Variants in CIAO2A observed in about 807,000 individuals in gnomAD.
The protein encoded by CIAO2A is MIP18 family protein FAM96A.
CIAO2A carries 17 observed loss-of-function variants against 22.4 expected under a neutral mutation model. That is an observed-to-expected ratio of 0.76 (90% CI 0.52 to 1.14). The LOEUF is 1.14. Ranked by LOEUF, CIAO2A falls within the 50% of genes most tolerant of loss-of-function variation. The pLI is 0.00. For missense variants in CIAO2A, 192 were observed against 191.4 expected (o/e 1.00, Z -0.02); for synonymous variants, 74 against 72.3 (o/e 1.02, Z -0.12).
chr15:64,085,816 C>T lies in CIAO2A; in HGVS notation c.289+2871G>A, dbSNP rs1276279254. ...CTCCGCCTCCCGGGTTCAAGCGATT[C>T]TCCTGCCTCAGCCTCCCACGTAGCT... On this transcript the variant is annotated intron_variant, in intron 2 of 4. Transcript: ENST00000300030. Among the ~76,000 whole-genome samples, 4 of 151,926 alleles carry T rather than the reference C, an allele frequency of 2.6e-5. No individual in the cohort carries two copies. In the East Asian group the frequency reaches 7.9e-4, roughly 30 times the overall value.
intron 2 of CIAO2A, among the ~76,000 whole-genome samples, chr15:64,085,914 T>C (rs966830468): frequency 4.6e-5 from 7 of 151,698 alleles, no homozygotes; most frequent in African/African-American, 1.7e-4. Flanking sequence ...TTCACTACGT[T>C]GGCCAGGCTG....
intron 1 of CIAO2A, among the ~76,000 whole-genome samples, chr15:64,092,456 T>A (rs149037503): frequency 3.9e-5 from 6 of 152,206 alleles, no homozygotes; most frequent in African/African-American, 1.4e-4. Flanking sequence ...AATTTCTGTA[T>A]CTCTTATTCA....
chr15:64,081,896 A>G (rs1332435376), intron 2 of CIAO2A, among the ~76,000 whole-genome samples: 2 of 152,140 alleles, frequency 1.3e-5, no homozygotes, highest in African/African-American at 4.8e-5. Flanking sequence ...AAAAAATAAA[A>G]CAAGTCAAAG....
chr15:64,092,222 C>T (rs1472257231), intron 1 of CIAO2A, among the ~76,000 whole-genome samples: 1 of 152,128 alleles, frequency 6.6e-6, no homozygotes, highest in African/African-American at 2.4e-5. Flanking sequence ...AATGTTCAAC[C>T]ACATCTTCAC....
At chr15:64,083,576 G>A (rs772113927) in intron 2 of CIAO2A, among the ~76,000 whole-genome samples, 8 of 152,122 alleles carry the variant, frequency 5.3e-5, no homozygotes, top group Non-Finnish European at 8.8e-5. Context: ...TCAGACAGAC[G>A]AAGGCTTCTC....
intron 3 of CIAO2A, among the ~76,000 whole-genome samples, chr15:64,076,203 G>T (rs1323953309): frequency 6.6e-6 from 1 of 151,808 alleles, no homozygotes; most frequent in African/African-American, 2.4e-5. Flanking sequence ...TCCCAACTCG[G>T]TATCTAAACT....
chr15:64,073,771 T>A (rs952148732), intron 4 of CIAO2A: 5 of 152,176 alleles, frequency 3.3e-5, no homozygotes, highest in Non-Finnish European at 5.9e-5. Flanking sequence ...AATATTTTCG[T>A]AGAGACAGGG....
intron 1 of CIAO2A, among the ~76,000 whole-genome samples, chr15:64,090,013 C>A (rs1470259080): frequency 6.6e-6 from 1 of 152,110 alleles, no homozygotes. Context: ...ATAAGTAGAA[C>A]CTTGGCTGAA....
chr15:64,076,325 A>C (rs142991571), intron 3 of CIAO2A, among the ~76,000 whole-genome samples: 16 of 152,180 alleles, frequency 1.1e-4, no homozygotes, highest in African/African-American at 2.6e-4. Flanking sequence ...ACACACACAC[A>C]CCCACATATC....
intron 2 of CIAO2A, 116 bp from the exon 3 acceptor site, chr15:64,081,267 TG>T: frequency 1.1e-6 from 1 of 892,572 alleles, no homozygotes; most frequent in Non-Finnish European, 1.7e-6. Context: ...AAAACAGCTT[TG>T]GCTCAATCCA....
intron 3 of CIAO2A, among the ~76,000 whole-genome samples, chr15:64,077,216 T>C (rs938446518): frequency 2.6e-5 from 4 of 152,202 alleles, no homozygotes; most frequent in Non-Finnish European, 5.9e-5. Context: ...GAGAATCCCT[T>C]GAACCCGGGA....
At chr15:64,088,059 A>G (rs2080811675) in intron 2 of CIAO2A, among the ~76,000 whole-genome samples, 2 of 152,148 alleles carry the variant, frequency 1.3e-5, no homozygotes. Context: ...ACCATCAATG[A>G]TTATTTAATC....
Position 64,073,501 on chromosome 15 carries a change from T to G in CIAO2A, c.386-473A>C, listed in dbSNP as rs191490874. Among the ~76,000 whole-genome samples the G allele has an allele frequency of 7.2e-4, 110 of 152,366 alleles. 2 individuals are homozygous for G. Among genetic ancestry groups the G allele is most frequent in the Admixed American group, 3.7e-3 (57 of 15,300 alleles). ...GAGTATGAATATTTTTATGGTGTGA[T>G]TCATATCATTGATTTACTTCCTAAA... is the stretch of plus-strand genomic sequence containing the variant. On this transcript the variant is annotated intron_variant, in intron 4 of 4. Transcript: ENST00000300030.
rs373353175 is a variant in CIAO2A at position 64,093,722 on chromosome 15, A to C, written c.47T>G (p.Leu16Arg). The change falls in exon 1 of 5, where the codon CTG becomes CGG. Residue 16 changes from leucine to arginine, a missense_variant. Transcript: ENST00000300030. ...CGGCTCAGAGAGGCCGGAGAGCCACAGGACTCTGCTCAGCGTCCAGGAGAG... is the reference window on the plus strand; with the variant it reads ...CGGCTCAGAGAGGCCGGAGAGCCACCGGACTCTGCTCAGCGTCCAGGAGAG... Reference protein sequence around the residue: ...GLLSWTLSRVLWLSGLSEPGA... With the variant: ...GLLSWTLSRVRWLSGLSEPGA... 24 of 1,614,026 alleles carry C rather than the reference A, an allele frequency of 1.5e-5. No individual in the cohort carries two copies. The highest frequency in any genetic ancestry group is 1.7e-5 in the Non-Finnish European group (20 of 1,179,922).
At position 64,082,046 on chromosome 15, in the gene CIAO2A, C is replaced by G. The variant is rs549845256; in HGVS notation, c.290-895G>C. 1.5e-4 allele frequency among the ~76,000 whole-genome samples: 23 copies of G among 151,958 alleles called. No individual in the cohort carries two copies. In the South Asian group the frequency reaches 3.9e-3, roughly 26 times the overall value. ...ATGCTAAGACACATCAACAAAACCTCAAACCATACAGCAATACAGCAAGAT... is the reference window on the plus strand; with the variant it reads ...ATGCTAAGACACATCAACAAAACCTGAAACCATACAGCAATACAGCAAGAT... On this transcript the variant is annotated intron_variant, in intron 2 of 4. Coordinates refer to ENST00000300030, the MANE Select transcript of CIAO2A (RefSeq NM_032231.7).
At chr15:64,081,193 T>G (rs144603843) in intron 2 of CIAO2A, 42 bp from the exon 3 acceptor site, 24,530 of 1,573,582 alleles carry the variant, frequency 0.016, 285 homozygotes, top group South Asian at 0.033. Context: ...TCTTTATTGC[T>G]TCTTATTGGT....
chr15:64,089,012 T>C (rs1211319940), intron 1 of CIAO2A, among the ~76,000 whole-genome samples, 161 bp from the exon 2 acceptor site: 1 of 152,222 alleles, frequency 6.6e-6, no homozygotes, highest in Non-Finnish European at 1.5e-5. Context: ...TGGTTTCCTC[T>C]TGAGAAAACT....
intron 1 of CIAO2A, among the ~76,000 whole-genome samples, chr15:64,089,272 A>G (rs2140115962): frequency 6.6e-6 from 1 of 152,240 alleles, no homozygotes; most frequent in African/African-American, 2.4e-5. Flanking sequence ...CCTGTAAACC[A>G]ACCACTTTGA....
intron 1 of CIAO2A, among the ~76,000 whole-genome samples, chr15:64,091,296 C>T (rs2080837752): frequency 6.6e-6 from 1 of 151,904 alleles, no homozygotes; most frequent in Admixed American, 6.6e-5. Flanking sequence ...ACCAGCCTGG[C>T]CAACATGGCA....
Sources: allele counts gnomAD v4.1 joint callset (sites outside exome capture counted in the v4.1 genomes callset), GRCh38; gene constraint gnomAD v4.1.1; transcripts MANE v1.5; gene names NCBI Gene and HGNC (gene_info 2026-07-23, HGNC 2026-07-21).